The following STRN variants were observed in gnomAD, a reference collection of about 807,000 sequenced individuals.
The protein encoded by STRN is striatin.
Under a neutral mutation model 96.3 loss-of-function variants are expected in STRN, and 53 were observed. The ratio of observed to expected loss-of-function variants is 0.55; its 90% confidence interval spans 0.44 to 0.69. The LOEUF is 0.69. Ranked by LOEUF, STRN falls within the 30% of genes least tolerant of loss-of-function variation. STRN has a pLI of 0.00. For missense variants in STRN, 987 were observed against 963.9 expected (o/e 1.02, Z -0.32); for synonymous variants, 428 against 355.9 (o/e 1.20, Z -2.28).
chr2:36,946,690 T>A (rs892591580), intron 1 of STRN, among the ~76,000 whole-genome samples: 18 of 152,204 alleles, frequency 1.2e-4, no homozygotes, highest in Admixed American at 3.3e-4. Flanking sequence ...TCTCTGTATA[T>A]CCTGTGTTTT....
chr2:36,924,994 C>T, intron 2 of STRN, 111 bp downstream of exon 2: 6 of 865,916 alleles, frequency 6.9e-6, no homozygotes, highest in South Asian at 1.6e-5. Context: ...AGGCGGAGGT[C>T]GCGGTGAGCC....
Position 36,927,911 on chromosome 2 carries a change from G to T in STRN, c.235-2703C>A, listed in dbSNP as rs190411845. The stretch of plus-strand genomic sequence containing the variant: ...TATATTTGCACATATGTGAAATTAT[G>T]TAATACATGACTGATAAAACACAGA... On this transcript the variant is annotated intron_variant, in intron 1 of 17. Coordinates refer to ENST00000263918, the MANE Select transcript of STRN (RefSeq NM_003162.4). Among the ~76,000 whole-genome samples the T allele has an allele frequency of 3.0e-3, 455 of 152,236 alleles. 1 individual carries two copies. Among genetic ancestry groups the T allele is most frequent in the Non-Finnish European group, 5.2e-3 (357 of 68,016 alleles).
intron 5 of STRN, among the ~76,000 whole-genome samples, chr2:36,900,335 A>G (rs1051758574): frequency 7.9e-5 from 12 of 152,100 alleles, no homozygotes; most frequent in Non-Finnish European, 1.5e-5. Context: ...TATTCTCTCT[A>G]CAACTCTCCC....
chr2:36,897,155 G>A (rs1481166312), intron 6 of STRN, among the ~76,000 whole-genome samples: 1 of 150,388 alleles, frequency 6.6e-6, no homozygotes, highest in South Asian at 2.1e-4. Context: ...CAACAAGAGT[G>A]AAACTCCGTC....
intron 1 of STRN, among the ~76,000 whole-genome samples, chr2:36,934,082 C>T (rs895311842): frequency 6.6e-6 from 1 of 152,090 alleles, no homozygotes; most frequent in South Asian, 2.1e-4. Context: ...GCACTCCAGC[C>T]TGGGTGACAG....
chr2:36,869,648 G>T lies in STRN; in HGVS notation c.1405C>A (p.Leu469Ile). The T allele has an allele frequency of 6.2e-7, 1 of 1,612,642 alleles. No homozygotes were observed. Among genetic ancestry groups the T allele is most frequent in the East Asian group, 2.2e-5 (1 of 44,746 alleles). The change falls in exon 11 of 18, where the codon CTT becomes ATT. Residue 469 changes from leucine (L) to isoleucine (I), a missense_variant. Transcript: ENST00000263918. Reference protein sequence around the residue: ...LRSHFDGIRALAFHPIEPVLI... With the variant: ...LRSHFDGIRAIAFHPIEPVLI... ...ACAGGCTCAATGGGATGGAAAGCAAGGGCTCGGATGCCATCAAAGTGACTT... is the reference window on the plus strand; with the variant it reads ...ACAGGCTCAATGGGATGGAAAGCAATGGCTCGGATGCCATCAAAGTGACTT...
At chr2:36,960,953 G>A (rs535800978) in intron 1 of STRN, among the ~76,000 whole-genome samples, 9 of 151,880 alleles carry the variant, frequency 5.9e-5, no homozygotes, top group African/African-American at 2.2e-4. Flanking sequence ...CTAGAGTGCA[G>A]GGGCATGATC....
rs548986756 is a variant in STRN at position 36,845,604 on chromosome 2, A to C, written c.*3852T>G. Reference sequence around the variant, plus strand: ...GAAATATATGAAGTATTAAAAAGTGAGCCTTTAAAAAATTACATTTACTTA... The same window carrying C: ...GAAATATATGAAGTATTAAAAAGTGCGCCTTTAAAAAATTACATTTACTTA... On this transcript the variant is annotated 3_prime_UTR_variant, in exon 18 of 18. Coordinates refer to ENST00000263918, the MANE Select transcript of STRN (RefSeq NM_003162.4). The C allele has an allele frequency of 1.3e-5, 2 of 152,264 alleles. No individual in the cohort carries two copies. The highest frequency in any genetic ancestry group is 4.1e-4 in the South Asian group (2 of 4,826). 9.4% of individuals were successfully genotyped at this position (152,264 alleles called of 1,614,324 possible). A position where few individuals can be genotyped will look rare whatever the true frequency, so the allele number is the denominator to read the frequency against.
rs147803498 is a variant in STRN, at chr2:36,922,482, G to A, written c.338+2623C>T. Among the ~76,000 whole-genome samples, 929 of 140,106 alleles carry A rather than the reference G, an allele frequency of 6.6e-3. 12 individuals carry two copies. The highest frequency in any genetic ancestry group is 0.024 in the African/African-American group (883 of 36,858). 91.9% of individuals were successfully genotyped at this position (140,106 alleles called of 152,430 possible). ...CGCAGTGAATCATGACTGTGCCACT[G>A]CACTACAGCCTAGGCAACAGAGCAA... is the stretch of plus-strand genomic sequence containing the variant. On this transcript the variant is annotated intron_variant, in intron 2 of 17. Coordinates refer to ENST00000263918, the MANE Select transcript of STRN (RefSeq NM_003162.4).
At chr2:36,943,684 G>C (rs544001676) in intron 1 of STRN, among the ~76,000 whole-genome samples, 19 of 151,634 alleles carry the variant, frequency 1.3e-4, no homozygotes, top group African/African-American at 4.6e-4. Flanking sequence ...CACTCCTGTA[G>C]TCCCAGCTAC....
chr2:36,914,833 A>T (rs1670048335), intron 3 of STRN, among the ~76,000 whole-genome samples: 2 of 152,196 alleles, frequency 1.3e-5, no homozygotes, highest in South Asian at 4.1e-4. Flanking sequence ...TTTAAATTTC[A>T]CATATGTAAA....
At chr2:36,861,858 T>G (rs1668494988) in intron 12 of STRN, among the ~76,000 whole-genome samples, 1 of 152,160 alleles carries the variant, frequency 6.6e-6, no homozygotes, top group African/African-American at 2.4e-5. Flanking sequence ...GCTGTACATA[T>G]TATTCCCTCA....
Position 36,878,017 on chromosome 2 carries a change from C to T in STRN, c.1197G>A (p.Leu399=). ...EINRADEVEA[L]TFPPSSGKSF... is the part of the protein sequence containing the mutation. ...ACTTTCCAGAAGAAGGAGGAAATGT[C>T]AATGCTTCCACTGAAGAGGGAAGAC... The change falls in exon 10 of 18, where the codon TTG becomes TTA. Residue 399 remains leucine, a synonymous_variant. Coordinates refer to ENST00000263918, the MANE Select transcript of STRN (RefSeq NM_003162.4). 6.2e-7 allele frequency: 1 copy of T among 1,613,954 alleles called. No homozygotes were observed. Among genetic ancestry groups the T allele is most frequent in the Non-Finnish European group, 8.5e-7 (1 of 1,179,982 alleles).
At chr2:36,897,554 G>A (rs1669576421) in intron 6 of STRN, among the ~76,000 whole-genome samples, 1 of 151,580 alleles carries the variant, frequency 6.6e-6, no homozygotes, top group South Asian at 2.1e-4. Flanking sequence ...TCCTGCCTCA[G>A]CCTCCCGAGT....
At chr2:36,939,725 G>C (rs530348992) in intron 1 of STRN, among the ~76,000 whole-genome samples, 123 of 152,136 alleles carry the variant, frequency 8.1e-4, no homozygotes, top group African/African-American at 2.9e-3. Flanking sequence ...CTTAATAGTG[G>C]AAATAGTTTC....
At chr2:36,885,326 T>A (rs1424246707) in intron 8 of STRN, among the ~76,000 whole-genome samples, 3 of 152,130 alleles carry the variant, frequency 2.0e-5, no homozygotes, top group Non-Finnish European at 4.4e-5. Context: ...AAGAAAAATA[T>A]CAACATTAAG....
chr2:36,957,742 G>GTTTT (rs1158709835), intron 1 of STRN, among the ~76,000 whole-genome samples: 4,482 of 102,956 alleles, frequency 0.044, 515 homozygotes, highest in Non-Finnish European at 0.06. Flanking sequence ...TCTTCTTTTT[G>GTTTT]TCTTTTTTTT....
At chr2:36,849,650 G>C in intron 17 of STRN, 25 bp from the exon 18 acceptor site, 2 of 1,611,654 alleles carry the variant, frequency 1.2e-6, no homozygotes, top group South Asian at 2.2e-5. Context: ...AAAATTAAAA[G>C]GAAAAATTAC....
chr2:36,900,409 C>T (rs1444960294), intron 5 of STRN, among the ~76,000 whole-genome samples: 3 of 152,066 alleles, frequency 2.0e-5, no homozygotes, highest in Non-Finnish European at 4.4e-5. Flanking sequence ...TTCTCTGATG[C>T]AATCTTGTAT....
Sources: allele counts gnomAD v4.1 joint callset (sites outside exome capture counted in the v4.1 genomes callset), GRCh38; gene constraint gnomAD v4.1.1; transcripts MANE v1.5; gene names NCBI Gene and HGNC (gene_info 2026-07-23, HGNC 2026-07-21).